The following PCDHA11 variants were observed in gnomAD, a reference collection of about 807,000 sequenced individuals.
PCDHA11 encodes the protein protocadherin alpha-11.
PCDHA11 carries 61 observed loss-of-function variants against 70.3 expected under a neutral mutation model. That is an observed-to-expected ratio of 0.87 (90% CI 0.71 to 1.07). The LOEUF is 1.07. Among genes scored for constraint, PCDHA11 ranks in the 50% least tolerant of loss-of-function variants. The pLI is 0.00. For missense variants in PCDHA11, 1,324 were observed against 1,237.5 expected (o/e 1.07, Z -1.05); for synonymous variants, 633 against 555.1 (o/e 1.14, Z -1.97).
chr5:140,931,716 T>G (rs1205500293), intron 1 of PCDHA11, among the ~76,000 whole-genome samples: 5 of 151,962 alleles, frequency 3.3e-5, no homozygotes, highest in Admixed American at 3.3e-4. Context: ...TAAAATAACT[T>G]CTATAAATAT....
intron 1 of PCDHA11, among the ~76,000 whole-genome samples, chr5:140,939,059 T>C (rs2092309221): frequency 6.6e-6 from 1 of 152,234 alleles, no homozygotes; most frequent in Non-Finnish European, 1.5e-5. Flanking sequence ...TTTGGGCTGC[T>C]ATATCAAAAT....
rs782388204 is a variant in PCDHA11 at position 140,869,766 on chromosome 5, G to A, written c.663G>A (p.Glu221=). Residue 221 remains glutamate (E), a synonymous_variant, in exon 1 of 4, where the codon GAG becomes GAA. Coordinates refer to ENST00000398640, the MANE Select transcript of PCDHA11 (RefSeq NM_018902.5). ...LLTATDGGKP[E]LTGTVRLLVQ... Reference sequence around the variant, plus strand: ...CAGCTACAGACGGGGGAAAACCAGAGCTTACTGGCACCGTTCGGCTGTTAG... The same window carrying A: ...CAGCTACAGACGGGGGAAAACCAGAACTTACTGGCACCGTTCGGCTGTTAG... The A allele has an allele frequency of 1.2e-6, 2 of 1,613,210 alleles. No individual in the cohort carries two copies. Among genetic ancestry groups the A allele is most frequent in the Non-Finnish European group, 1.7e-6 (2 of 1,179,706 alleles).
At chr5:140,999,656 G>A (rs1483832540) in intron 3 of PCDHA11, among the ~76,000 whole-genome samples, 2 of 152,148 alleles carry the variant, frequency 1.3e-5, no homozygotes, top group African/African-American at 4.8e-5. Context: ...CCTGAGCCCT[G>A]CTGGGTTGCG....
intron 3 of PCDHA11, among the ~76,000 whole-genome samples, chr5:140,983,005 A>G (rs1468544114): frequency 2.0e-5 from 3 of 152,110 alleles, no homozygotes; most frequent in African/African-American, 4.8e-5. Flanking sequence ...AAAGAAAGAA[A>G]AAGGAAGGAA....
chr5:140,875,450 C>A, intron 1 of PCDHA11: 1 of 1,590,616 alleles, frequency 6.3e-7, no homozygotes, highest in Non-Finnish European at 8.6e-7. Context: ...ATTGTCCCAA[C>A]TCAGAGGCCC....
chr5:140,880,614 GGGA>G (rs2058396473), intron 1 of PCDHA11, among the ~76,000 whole-genome samples: 1 of 152,182 alleles, frequency 6.6e-6, no homozygotes, highest in South Asian at 2.1e-4. Context: ...GTAAGCAAGA[GGGA>G]GGAGTTAATT....
At chr5:140,883,615 C>A in intron 1 of PCDHA11, 2 of 1,613,938 alleles carry the variant, frequency 1.2e-6, no homozygotes, top group East Asian at 2.2e-5. Flanking sequence ...CCGACGTGAA[C>A]GACAACGCGC....
At chr5:140,911,560 A>T (rs1554194794) in intron 1 of PCDHA11, among the ~76,000 whole-genome samples, 2 of 152,170 alleles carry the variant, frequency 1.3e-5, no homozygotes, top group Non-Finnish European at 2.9e-5. Flanking sequence ...ATTTTCTTTC[A>T]TCACTTTGTC....
intron 3 of PCDHA11, among the ~76,000 whole-genome samples, chr5:141,005,701 CAAAAAAAAAAAAAAAAAA>C (rs59860837): frequency 2.6e-4 from 2 of 7,786 alleles, no homozygotes; most frequent in Non-Finnish European, 5.4e-4. Flanking sequence ...AACTCCGTCT[CAAAAAAAAAAAAAAAAAA>C]AAAAAAAAAA....
At chr5:140,990,354 G>GA (rs1554251439) in intron 3 of PCDHA11, among the ~76,000 whole-genome samples, 1 of 152,158 alleles carries the variant, frequency 6.6e-6, no homozygotes, top group Non-Finnish European at 1.5e-5. Context: ...GCCCTGTACA[G>GA]AAAATCTAAT....
At chr5:140,980,440 G>A (rs1317929590) in intron 2 of PCDHA11, among the ~76,000 whole-genome samples, 1 of 152,144 alleles carries the variant, frequency 6.6e-6, no homozygotes, top group African/African-American at 2.4e-5. Flanking sequence ...GACCATCCTG[G>A]ACAACACGGT....
At position 141,010,104 on chromosome 5, in the gene PCDHA11, T is replaced by G; in HGVS notation, c.*167T>G. ...TGTCTAGAACGCATTTAACAGGTTTTGTCGTAAAAGCTTTACTAAGTCTGG... is the reference window on the plus strand; with the variant it reads ...TGTCTAGAACGCATTTAACAGGTTTGGTCGTAAAAGCTTTACTAAGTCTGG... On this transcript the variant is annotated 3_prime_UTR_variant, in exon 4 of 4. Coordinates refer to ENST00000398640, the MANE Select transcript of PCDHA11 (RefSeq NM_018902.5). 1 of 1,612,408 alleles carries G rather than the reference T, an allele frequency of 6.2e-7. No individual in the cohort carries two copies. Among genetic ancestry groups the G allele is most frequent in the Non-Finnish European group, 8.5e-7 (1 of 1,179,092 alleles).
At chr5:140,991,228 T>C (rs2097439456) in intron 3 of PCDHA11, among the ~76,000 whole-genome samples, 1 of 152,220 alleles carries the variant, frequency 6.6e-6, no homozygotes, top group African/African-American at 2.4e-5. Flanking sequence ...CATTAATAAA[T>C]GCAGTGGTAA....
At chr5:141,004,434 G>T (rs1383958111) in intron 3 of PCDHA11, among the ~76,000 whole-genome samples, 2 of 152,186 alleles carry the variant, frequency 1.3e-5, no homozygotes, top group Non-Finnish European at 2.9e-5. Flanking sequence ...TGGAGTTTAG[G>T]CTGAGTCATA....
At chr5:140,952,746 T>C (rs1554220596) in intron 1 of PCDHA11, among the ~76,000 whole-genome samples, 1 of 152,190 alleles carries the variant, frequency 6.6e-6, no homozygotes, top group Non-Finnish European at 1.5e-5. Context: ...CACACTGCTA[T>C]AAAAACACCT....
rs146932686 is a variant in PCDHA11, at chr5:140,955,010, G to T, written c.2392-23939G>T. 3.9e-3 allele frequency among the ~76,000 whole-genome samples: 599 copies of T among 152,256 alleles called. 6 individuals carry two copies. The highest frequency in any genetic ancestry group is 0.032 in the South Asian group (154 of 4,816). On this transcript the variant is annotated intron_variant, in intron 1 of 3. Transcript: ENST00000398640. ...TGCATATGGCTAGCCAATTCTCCCAGCACCATTTATTAAATAGGGAATCTT... is the reference window on the plus strand; with the variant it reads ...TGCATATGGCTAGCCAATTCTCCCATCACCATTTATTAAATAGGGAATCTT...
intron 1 of PCDHA11, among the ~76,000 whole-genome samples, chr5:140,942,908 G>A (rs187574457): frequency 2.6e-5 from 4 of 151,726 alleles, no homozygotes; most frequent in African/African-American, 9.7e-5. Flanking sequence ...AAGAATAAGC[G>A]TGAAGAAAAA....
chr5:140,926,917 TTA>T, intron 1 of PCDHA11: 3 of 1,565,668 alleles, frequency 1.9e-6, no homozygotes, highest in South Asian at 1.2e-5. Context: ...GGTGGCAGTT[TTA>T]TGTTTGTGGG....
intron 1 of PCDHA11, among the ~76,000 whole-genome samples, chr5:140,916,167 C>T (rs2077462600): frequency 6.6e-6 from 1 of 152,080 alleles, no homozygotes; most frequent in South Asian, 2.1e-4. Context: ...TGCTGCCAGG[C>T]CTGGGACTCT....
Sources: gnomAD v4.1 joint callset for allele counts (sites outside exome capture counted in the v4.1 genomes callset) on GRCh38, gnomAD v4.1.1 for gene constraint, MANE v1.5 for transcripts, NCBI Gene and HGNC (gene_info 2026-07-23, HGNC 2026-07-21) for gene names.